The following VPS45 variants were observed in gnomAD, a reference collection of about 807,000 sequenced individuals.
The protein encoded by VPS45 is vacuolar protein sorting 45 homolog, also known as vacuolar protein sorting-associated protein 45.
Under a neutral mutation model 75.9 loss-of-function variants are expected in VPS45, and 35 were observed. The observed-to-expected ratio is 0.46, with a 90% CI of 0.35 to 0.61. The LOEUF (loss-of-function observed/expected upper bound fraction) is 0.61. Among genes scored for constraint, VPS45 ranks in the 20% least tolerant of loss-of-function variants. The pLI, the probability that VPS45 is intolerant of heterozygous loss-of-function variation, is 0.00. For synonymous variants in VPS45, 220 were observed against 238.2 expected, an observed-to-expected ratio of 0.92 and a Z score of 0.70; for missense variants, 559 against 685.9, an observed-to-expected ratio of 0.81 and a Z score of 2.07.
At chr1:150,081,580 G>A in intron 8 of VPS45, 104 bp downstream of exon 8, 1 of 1,320,394 alleles carries the variant, frequency 7.6e-7, no homozygotes, top group Non-Finnish European at 1.0e-6. Context: ...CATGTGAAAG[G>A]ATGATAGGGG....
At chr1:150,144,505 G>A (rs1394313214) in intron 14 of VPS45, among the ~76,000 whole-genome samples, 2 of 152,022 alleles carry the variant, frequency 1.3e-5, no homozygotes, top group African/African-American at 2.4e-5. Context: ...GAAGACCCTG[G>A]GGAAGAGCAC....
chr1:150,108,009 C>T (rs1657427968), intron 13 of VPS45, among the ~76,000 whole-genome samples: 1 of 152,012 alleles, frequency 6.6e-6, no homozygotes, highest in Non-Finnish European at 1.5e-5. Context: ...CACTATGTCC[C>T]CAACTTCACT....
intron 14 of VPS45, among the ~76,000 whole-genome samples, chr1:150,120,120 T>TA (rs11310019): frequency 0.26 from 40,006 of 151,554 alleles, 7,976 homozygotes; most frequent in African/African-American, 0.56. Context: ...AAAAAAATAA[T>TA]AAATCTGAGA....
intron 7 of VPS45, among the ~76,000 whole-genome samples, chr1:150,080,466 G>A (rs897664167): frequency 4.6e-5 from 7 of 152,048 alleles, no homozygotes; most frequent in African/African-American, 1.4e-4. Context: ...TTTTAAGTGC[G>A]ACTTAATGGA....
At chr1:150,123,921 A>G (rs1457823061) in intron 14 of VPS45, among the ~76,000 whole-genome samples, 1 of 152,194 alleles carries the variant, frequency 6.6e-6, no homozygotes, top group Non-Finnish European at 1.5e-5. Context: ...CTGCTAGAAG[A>G]TGGCATGAGA....
intron 14 of VPS45, among the ~76,000 whole-genome samples, chr1:150,125,528 T>C (rs1234781725): frequency 2.7e-5 from 4 of 148,056 alleles, no homozygotes; most frequent in African/African-American, 9.9e-5. Context: ...GAAACCATCA[T>C]TCTGAGCAAA....
intron 14 of VPS45, chr1:150,142,934 A>T: frequency 2.3e-6 from 1 of 428,580 alleles, no homozygotes; most frequent in South Asian, 1.7e-5. Flanking sequence ...ATTACAGCGT[A>T]AGCCACTGCA....
intron 6 of VPS45, 181 bp downstream of exon 6, chr1:150,077,412 A>G: frequency 1.2e-6 from 1 of 863,382 alleles, no homozygotes; most frequent in Non-Finnish European, 1.7e-6. Flanking sequence ...TAAGATTCTT[A>G]GGTTTAACCC....
At chr1:150,122,944 C>T (rs1378366313) in intron 14 of VPS45, among the ~76,000 whole-genome samples, 4 of 149,460 alleles carry the variant, frequency 2.7e-5, no homozygotes, top group Non-Finnish European at 4.4e-5. Context: ...GGTTGCATCA[C>T]GCCATTACAC....
chr1:150,067,785 C>A lies in VPS45; in HGVS notation c.-73C>A. 1 of 1,493,030 alleles carries A rather than the reference C, an allele frequency of 6.7e-7. No homozygotes were observed. Among genetic ancestry groups the A allele is most frequent in the Non-Finnish European group, 9.3e-7 (1 of 1,076,940 alleles). The allele number at this position is 1,493,030 out of a possible 1,614,324, so 92.5% of individuals were successfully genotyped here. ...CTGGGAGGAAGCAGCTGAGACCCGG[C>A]CAACAGACTGGGGGTTAATTTAGCC... On this transcript the variant is annotated 5_prime_UTR_variant, in exon 1 of 15. Coordinates refer to ENST00000644510, the MANE Select transcript of VPS45 (RefSeq NM_007259.5).
At chr1:150,105,387 A>C (rs56775659) in intron 13 of VPS45, among the ~76,000 whole-genome samples, 3,278 of 152,336 alleles carry the variant, frequency 0.022, 97 homozygotes, top group African/African-American at 0.074. Context: ...ATCCCTCTAG[A>C]AGATTCCTAG....
intron 10 of VPS45, among the ~76,000 whole-genome samples, chr1:150,088,864 T>G (rs1202611523): frequency 2.0e-5 from 3 of 152,208 alleles, no homozygotes; most frequent in Admixed American, 2.0e-4. Flanking sequence ...AGTGCTGCAG[T>G]AAACATAGGA....
At position 150,115,787 on chromosome 1, in the gene VPS45, G is replaced by T. The variant is rs587759919; in HGVS notation, c.1625+5160G>T. Among the ~76,000 whole-genome samples, 11 of 145,850 alleles carry T rather than the reference G, an allele frequency of 7.5e-5. No homozygotes were observed. In the South Asian group the frequency reaches 2.3e-3, roughly 30 times the overall value. On this transcript the variant is annotated intron_variant, in intron 14 of 14. Coordinates refer to ENST00000644510, the MANE Select transcript of VPS45 (RefSeq NM_007259.5). Reference sequence around the variant, plus strand: ...TTTTTAGTCCACTTTTTCAGTGAGGGTCTCTATATTACATGGAAATCTCAA... The same window carrying T: ...TTTTTAGTCCACTTTTTCAGTGAGGTTCTCTATATTACATGGAAATCTCAA...
chr1:150,092,596 G>A lies in VPS45; in HGVS notation c.1371+187G>A, dbSNP rs115569541. 1.4e-3 allele frequency: 566 copies of A among 410,394 alleles called. 1 individual carries two copies. The highest frequency in any genetic ancestry group is 0.01 in the African/African-American group (504 of 49,410). 25.4% of individuals were successfully genotyped at this position (410,394 alleles called of 1,614,324 possible). On this transcript the variant is annotated intron_variant, in intron 12 of 14. Transcript: ENST00000644510. ...TTTTAGTGCTTTCTGTCTTAGAGCC[G>A]TATCAACATTGGACCAAATAGCTTA...
At chr1:150,141,909 G>C (rs1454055901) in intron 14 of VPS45, among the ~76,000 whole-genome samples, 1 of 152,206 alleles carries the variant, frequency 6.6e-6, no homozygotes, top group Non-Finnish European at 1.5e-5. Flanking sequence ...CACCAACGGA[G>C]AAGGGGATTT....
intron 13 of VPS45, among the ~76,000 whole-genome samples, chr1:150,108,944 C>A (rs1553806628): frequency 6.6e-6 from 1 of 152,118 alleles, no homozygotes; most frequent in South Asian, 2.1e-4. Flanking sequence ...GGTTTGGGGA[C>A]CCTTATCGTA....
intron 14 of VPS45, among the ~76,000 whole-genome samples, chr1:150,127,708 GCA>G (rs1658591429): frequency 6.6e-6 from 1 of 152,184 alleles, no homozygotes; most frequent in South Asian, 2.1e-4. Context: ...CTGGAATTGG[GCA>G]CAGTCTGTTT....
In VPS45 at chr1:150,070,577, G is replaced by A. The variant is rs587727132; in HGVS notation, c.229-1589G>A. Among the ~76,000 whole-genome samples, 26 of 151,660 alleles carry A rather than the reference G, an allele frequency of 1.7e-4. No homozygotes were observed. In the South Asian group the frequency reaches 5.2e-3, roughly 30 times the overall value. On this transcript the variant is annotated intron_variant, in intron 2 of 14. Transcript: ENST00000644510. ...GGAGGCCAAGGCAGGCGGATCACGA[G>A]GTCAGGAGATCGAGACCATCCTGGC...
chr1:150,070,266 C>T (rs1571809222), intron 2 of VPS45, among the ~76,000 whole-genome samples: 1 of 152,084 alleles, frequency 6.6e-6, no homozygotes, highest in East Asian at 1.9e-4. Flanking sequence ...TCTGTTTTTT[C>T]TCACCCTATA....
Sources: gnomAD v4.1 joint callset for allele counts (sites outside exome capture counted in the v4.1 genomes callset) on GRCh38, gnomAD v4.1.1 for gene constraint, MANE v1.5 for transcripts, NCBI Gene and HGNC (gene_info 2026-07-23, HGNC 2026-07-21) for gene names.